Variants in STXBP4 observed in about 807,000 individuals in gnomAD.
STXBP4 encodes syntaxin-binding protein 4.
In STXBP4, 55 loss-of-function variants were observed where a neutral mutation model predicts 76.1. That is an observed-to-expected ratio of 0.72 (90% CI 0.58 to 0.91). The LOEUF (loss-of-function observed/expected upper bound fraction) is 0.91, where lower values mean the gene tolerates loss of function less well. Among genes scored for constraint, STXBP4 ranks in the 40% least tolerant of loss-of-function variants. The pLI is 0.00. For synonymous variants in STXBP4, 201 were observed against 220.2 expected (o/e 0.91, Z 0.77); for missense variants, 618 against 636.9 (o/e 0.97, Z 0.32).
At chr17:55,159,286 AAGC>A (rs1194312260) in intron 17 of STXBP4, among the ~76,000 whole-genome samples, 8 of 152,174 alleles carry the variant, frequency 5.3e-5, no homozygotes, top group African/African-American at 1.9e-4. Flanking sequence ...AAATTTTAAA[AAGC>A]AGGTATTGTT....
intron 4 of STXBP4, among the ~76,000 whole-genome samples, chr17:54,997,922 C>T (rs915762426): frequency 1.3e-5 from 2 of 151,620 alleles, no homozygotes; most frequent in African/African-American, 4.9e-5. Flanking sequence ...ACTCTTTTGG[C>T]TTAAGTATTT....
intron 1 of STXBP4, among the ~76,000 whole-genome samples, chr17:54,972,374 A>T (rs1203881300): frequency 1.3e-5 from 2 of 152,180 alleles, no homozygotes; most frequent in Non-Finnish European, 2.9e-5. Context: ...TTCTAATGTT[A>T]TCAGTCCTTC....
At chr17:55,044,420 T>G (rs1316260778) in intron 11 of STXBP4, 1 of 151,958 alleles carries the variant, frequency 6.6e-6, no homozygotes, top group Non-Finnish European at 1.5e-5. Flanking sequence ...CCTTAGTTTT[T>G]ATAATCTCAA....
intron 8 of STXBP4, among the ~76,000 whole-genome samples, chr17:55,027,107 T>A (rs2078430079): frequency 6.6e-6 from 1 of 152,166 alleles, no homozygotes; most frequent in East Asian, 1.9e-4. Flanking sequence ...ACTCCCTGTG[T>A]GAACTCTTCT....
intron 12 of STXBP4, among the ~76,000 whole-genome samples, chr17:55,060,798 G>C (rs1168697332): frequency 6.6e-6 from 1 of 152,086 alleles, no homozygotes; most frequent in African/African-American, 2.4e-5. Context: ...CTTTTCACAG[G>C]CATGGGCCAC....
the STXBP4 span, among the ~76,000 whole-genome samples, chr17:55,184,598 C>T: frequency 2.6e-5 from 4 of 152,138 alleles, no homozygotes; most frequent in Non-Finnish European, 5.9e-5. Flanking sequence ...CTCATTGCAA[C>T]ATCAGAAAAA....
intron 16 of STXBP4, among the ~76,000 whole-genome samples, chr17:55,133,453 G>A (rs541631372): frequency 4.8e-4 from 73 of 152,216 alleles, no homozygotes; most frequent in Admixed American, 1.7e-3. Flanking sequence ...CAGGAGAGAG[G>A]TCCAGACTGG....
intron 1 of STXBP4, among the ~76,000 whole-genome samples, chr17:54,983,345 T>C (rs1300199172): frequency 2.0e-5 from 3 of 152,238 alleles, no homozygotes; most frequent in African/African-American, 7.2e-5. Context: ...TGGAATCTAT[T>C]GTAGAGTAGC....
At chr17:55,102,079 G>A (rs1195190267) in intron 16 of STXBP4, among the ~76,000 whole-genome samples, 1 of 150,872 alleles carries the variant, frequency 6.6e-6, no homozygotes, top group East Asian at 1.9e-4. Flanking sequence ...ATTTATTCCT[G>A]TTGAATGCCT....
Position 55,128,693 on chromosome 17 carries a change from G to C in STXBP4, c.1490-12617G>C, listed in dbSNP as rs117893962. Among the ~76,000 whole-genome samples, 711 of 152,224 alleles carry C rather than the reference G, an allele frequency of 4.7e-3. 6 individuals carry two copies. The highest frequency in any genetic ancestry group is 0.011 in the Admixed American group (164 of 15,270). ...TGCAATGGCACGATCTTGGCTCACTGCAACGTCCACCACCTGCTGTCAAGC... is the reference window on the plus strand; with the variant it reads ...TGCAATGGCACGATCTTGGCTCACTCCAACGTCCACCACCTGCTGTCAAGC... On this transcript the variant is annotated intron_variant, in intron 16 of 17. Transcript: ENST00000376352.
intron 16 of STXBP4, among the ~76,000 whole-genome samples, chr17:55,085,975 A>C (rs973476217): frequency 6.6e-6 from 1 of 152,200 alleles, no homozygotes; most frequent in African/African-American, 2.4e-5. Context: ...AGAATTTTAT[A>C]TATCAGACAT....
downstream of STXBP4, among the ~76,000 whole-genome samples, chr17:55,178,008 T>A (rs1180945463): frequency 6.6e-6 from 1 of 152,212 alleles, no homozygotes; most frequent in Non-Finnish European, 1.5e-5. Flanking sequence ...CTCCCTGGGT[T>A]GTGCAGAATT....
chr17:55,002,182 T>A (rs983667012), intron 7 of STXBP4, among the ~76,000 whole-genome samples: 1 of 152,170 alleles, frequency 6.6e-6, no homozygotes, highest in Non-Finnish European at 1.5e-5. Flanking sequence ...GAAACAGTCA[T>A]GAGATGAGCA....
chr17:55,138,935 G>T (rs2080064857), intron 16 of STXBP4, among the ~76,000 whole-genome samples: 3 of 151,970 alleles, frequency 2.0e-5, no homozygotes, highest in Admixed American at 1.3e-4. Context: ...TAGTCTCTAG[G>T]TCTGTCTTTT....
chr17:55,126,537 G>T (rs1485717386), intron 16 of STXBP4, among the ~76,000 whole-genome samples: 1 of 152,190 alleles, frequency 6.6e-6, no homozygotes, highest in African/African-American at 2.4e-5. Flanking sequence ...CATGATTGGG[G>T]TTTGGGTTGC....
chr17:55,037,467 T>G (rs1185314047), intron 10 of STXBP4, among the ~76,000 whole-genome samples: 10 of 150,988 alleles, frequency 6.6e-5, no homozygotes, highest in Non-Finnish European at 1.3e-4. Flanking sequence ...AAGAATGTGT[T>G]TATAGTTTGG....
chr17:54,992,482 A>G (rs1220533956), intron 4 of STXBP4, among the ~76,000 whole-genome samples: 1 of 151,832 alleles, frequency 6.6e-6, no homozygotes. Flanking sequence ...AATTTAAATT[A>G]TTAAATAAAT....
At chr17:55,076,353 A>G (rs1036073009) in intron 13 of STXBP4, among the ~76,000 whole-genome samples, 7 of 152,138 alleles carry the variant, frequency 4.6e-5, no homozygotes, top group African/African-American at 1.7e-4. Flanking sequence ...TCATGAGTAC[A>G]TATTTTAGAA....
At chr17:54,999,934 A>G (rs2077880855) in intron 6 of STXBP4, 92 bp downstream of exon 6, 10 of 885,932 alleles carry the variant, frequency 1.1e-5, no homozygotes, top group Non-Finnish European at 1.7e-5. Context: ...GAATTATTTC[A>G]GTAAAATTGT....
Sources: allele counts gnomAD v4.1 joint callset (sites outside exome capture counted in the v4.1 genomes callset), GRCh38; gene constraint gnomAD v4.1.1; transcripts MANE v1.5; gene names NCBI Gene and HGNC (gene_info 2026-07-23, HGNC 2026-07-21).